Variants in CAMTA1 observed in about 807,000 individuals in gnomAD.
CAMTA1 encodes calmodulin binding transcription activator 1, also known as calmodulin-binding transcription activator 1.
Under a neutral mutation model 170.9 loss-of-function variants are expected in CAMTA1, and 27 were observed. The ratio of observed to expected loss-of-function variants is 0.16; its 90% confidence interval spans 0.12 to 0.22. The LOEUF (loss-of-function observed/expected upper bound fraction) is 0.22, where lower values mean the gene tolerates loss of function less well. Among genes scored for constraint, CAMTA1 ranks in the 10% least tolerant of loss-of-function variants. CAMTA1 has a pLI of 1.00. For missense variants in CAMTA1, 1,619 were observed against 2,217.2 expected (o/e 0.73, Z 5.42); for synonymous variants, 833 against 891.5 (o/e 0.93, Z 1.17).
At chr1:6,866,634 CG>C (rs1333219335) in intron 3 of CAMTA1, among the ~76,000 whole-genome samples, 2 of 151,814 alleles carry the variant, frequency 1.3e-5, no homozygotes, top group African/African-American at 4.8e-5. Context: ...GCAGGCCAAT[CG>C]GAAGAAAAAA....
rs1030733019 is a variant in CAMTA1, at chr1:6,915,432, CT to C, written c.234+90226del. 8.3e-4 allele frequency among the ~76,000 whole-genome samples: 127 copies of C among 152,240 alleles called. 1 individual carries two copies. The highest frequency in any genetic ancestry group is 3.0e-3 in the African/African-American group (124 of 41,536). ...CTTCTTGGTGACTTGGGTTTTAATT[CT>C]TTTCCTGCCCAGCTTCCTGATGTGG... On this transcript the variant is annotated intron_variant, in intron 3 of 22. Coordinates refer to ENST00000303635, the MANE Select transcript of CAMTA1 (RefSeq NM_015215.4).
At chr1:7,584,496 C>T (rs1281102198) in intron 6 of CAMTA1, among the ~76,000 whole-genome samples, 2 of 151,960 alleles carry the variant, frequency 1.3e-5, no homozygotes, top group African/African-American at 4.8e-5. Context: ...GAGGGAAGCC[C>T]GAGTTTGGGC....
At chr1:7,351,095 G>T (rs1317106467) in intron 5 of CAMTA1, among the ~76,000 whole-genome samples, 1 of 152,198 alleles carries the variant, frequency 6.6e-6, no homozygotes, top group Non-Finnish European at 1.5e-5. Flanking sequence ...CAGCGTCGTA[G>T]GAAACCTAGG....
rs573877640 is a variant in CAMTA1 at position 7,293,259 on chromosome 1, C to T, written c.438+43633C>T. Among the ~76,000 whole-genome samples, 15 of 152,300 alleles carry T rather than the reference C, an allele frequency of 9.8e-5. No individual in the cohort carries two copies. In the East Asian group the frequency reaches 2.7e-3, roughly 27 times the overall value. On this transcript the variant is annotated intron_variant, in intron 5 of 22. Transcript: ENST00000303635. The surrounding 1 kb of genome is among the most constrained non-coding windows in gnomAD (Gnocchi z 4.1). ...GTCTGGGTGATGAGAGACCGCCACT[C>T]GTCTCCAGGAGCTCCCGCCAGAGGC...
At position 7,585,795 on chromosome 1, in the gene CAMTA1, C is replaced by T. The variant is rs1178927429; in HGVS notation, c.511-54605C>T. Among the ~76,000 whole-genome samples, 1 of 152,000 alleles carries T rather than the reference C, an allele frequency of 6.6e-6. No individual in the cohort carries two copies. Among genetic ancestry groups the T allele is most frequent in the African/African-American group, 2.4e-5 (1 of 41,312 alleles). On this transcript the variant is annotated intron_variant, in intron 6 of 22. Transcript: ENST00000303635. This position sits in a 1 kb window ranked among gnomAD's most constrained non-coding sequence, Gnocchi z 4.8. ...GGCCAGAGACACGGCTCATCTGTCC[C>T]TCATCCACCTCCAGCTTCCTGCTGC... is the stretch of plus-strand genomic sequence containing the variant.
intron 5 of CAMTA1, among the ~76,000 whole-genome samples, chr1:7,405,228 T>C (rs2090201744): frequency 6.6e-6 from 1 of 152,282 alleles, no homozygotes; most frequent in African/African-American, 2.4e-5. Flanking sequence ...AGGACCAGGC[T>C]TGGGGGCCAC....
At chr1:7,575,152 C>T (rs1299172243) in intron 6 of CAMTA1, among the ~76,000 whole-genome samples, 1 of 152,122 alleles carries the variant, frequency 6.6e-6, no homozygotes, top group Admixed American at 6.5e-5. Flanking sequence ...TGTTTCTGGC[C>T]AATGATAAGT....
At chr1:7,124,180 G>A (rs1644801502) in intron 4 of CAMTA1, among the ~76,000 whole-genome samples, 1 of 152,160 alleles carries the variant, frequency 6.6e-6, no homozygotes, top group African/African-American at 2.4e-5. Context: ...TCTCAGGTCT[G>A]CCCTTGGCAA....
chr1:6,904,839 C>T (rs910947713), intron 3 of CAMTA1, among the ~76,000 whole-genome samples: 7 of 150,924 alleles, frequency 4.6e-5, no homozygotes, highest in African/African-American at 1.5e-4. Flanking sequence ...GTGATCCTCC[C>T]GCCTCAGCCT....
At chr1:7,143,599 G>C (rs530405592) in intron 4 of CAMTA1, among the ~76,000 whole-genome samples, 1 of 152,242 alleles carries the variant, frequency 6.6e-6, no homozygotes, top group South Asian at 2.1e-4. Context: ...CTAACACTGA[G>C]GTTCTTCTCC....
chr1:7,667,249 A>AC (rs1464769148), intron 9 of CAMTA1, among the ~76,000 whole-genome samples: 3 of 149,146 alleles, frequency 2.0e-5, no homozygotes, highest in East Asian at 2.0e-4. Flanking sequence ...TGCCCACCAC[A>AC]CCCCCCACCC....
intron 6 of CAMTA1, among the ~76,000 whole-genome samples, chr1:7,511,527 G>T (rs2094201445): frequency 6.6e-6 from 1 of 152,160 alleles, no homozygotes; most frequent in East Asian, 1.9e-4. Context: ...AGATATGTCT[G>T]TGGCTGTCTC....
At chr1:6,995,972 G>GGT (rs1177354317) in intron 3 of CAMTA1, among the ~76,000 whole-genome samples, 1 of 152,220 alleles carries the variant, frequency 6.6e-6, no homozygotes, top group East Asian at 1.9e-4. Context: ...GGGGAACAGT[G>GGT]GTATGAGTGA....
intron 3 of CAMTA1, among the ~76,000 whole-genome samples, chr1:6,873,462 A>G (rs1002233664): frequency 2.0e-5 from 3 of 152,226 alleles, no homozygotes; most frequent in African/African-American, 7.2e-5. Flanking sequence ...CCTCTTGCTC[A>G]AGCAGCCCCA....
chr1:7,670,827 C>G, intron 9 of CAMTA1, 84 bp from the exon 10 acceptor site: 1 of 1,485,686 alleles, frequency 6.7e-7, no homozygotes, highest in Non-Finnish European at 9.3e-7. Context: ...CCCATCTGAG[C>G]AGTGAAGCCT....
At chr1:6,835,707 C>T (rs1454965421) in intron 3 of CAMTA1, among the ~76,000 whole-genome samples, 4 of 152,208 alleles carry the variant, frequency 2.6e-5, no homozygotes, top group African/African-American at 9.7e-5. Context: ...ATCCCCATAC[C>T]ACTCATGCAT....
At chr1:7,677,270 C>T (rs530433249) in intron 10 of CAMTA1, among the ~76,000 whole-genome samples, 1 of 152,328 alleles carries the variant, frequency 6.6e-6, no homozygotes, top group Non-Finnish European at 1.5e-5. Flanking sequence ...AGCCATGAGG[C>T]AGGGATGGGG....
chr1:7,690,013 G>A (rs1163772054), intron 11 of CAMTA1, among the ~76,000 whole-genome samples: 1 of 152,122 alleles, frequency 6.6e-6, no homozygotes, highest in Non-Finnish European at 1.5e-5. Flanking sequence ...CAAAAAATTA[G>A]CCAGGCGTGG....
At chr1:6,911,669 T>A (rs2149272425) in intron 3 of CAMTA1, among the ~76,000 whole-genome samples, 1 of 152,250 alleles carries the variant, frequency 6.6e-6, no homozygotes, top group South Asian at 2.1e-4. Flanking sequence ...CACCCCTCCC[T>A]TTACCAAGTC....
Sources: allele counts gnomAD v4.1 joint callset (sites outside exome capture counted in the v4.1 genomes callset), GRCh38; gene constraint gnomAD v4.1.1; non-coding constraint Gnocchi (gnomAD v3.1); transcripts MANE v1.5; gene names NCBI Gene and HGNC (gene_info 2026-07-23, HGNC 2026-07-21).